TLN2: variants seen among roughly 807,000 people sequenced by gnomAD.
TLN2 encodes the protein talin 2, also known as talin-2.
Under a neutral mutation model 294.7 loss-of-function variants are expected in TLN2, and 118 were observed. That is an observed-to-expected ratio of 0.40 (90% CI 0.34 to 0.47). TLN2 has a LOEUF of 0.47. Ranked by LOEUF, TLN2 falls within the 20% of genes least tolerant of loss-of-function variation. The pLI is 0.84. For missense variants in TLN2, 3,083 were observed against 3,282.2 expected (o/e 0.94, Z 1.48); for synonymous variants, 1,431 against 1,304.5 (o/e 1.10, Z -2.09).
chr15:62,592,443 A>G (rs6494325), intron 2 of TLN2, among the ~76,000 whole-genome samples: 151,669 of 152,348 alleles, frequency 1, 75,497 homozygotes, highest in Non-Finnish European at 1. Flanking sequence ...TCCTCTACCC[A>G]GGAATGTTTA....
chr15:62,411,519 T>C (rs1052291056), intron 1 of TLN2, among the ~76,000 whole-genome samples: 32 of 150,152 alleles, frequency 2.1e-4, no homozygotes, highest in Non-Finnish European at 2.8e-4. Context: ...AACCTCAGGA[T>C]AGAAGTTTGA....
chr15:62,734,523 C>T (rs977307584), intron 28 of TLN2, among the ~76,000 whole-genome samples: 1 of 152,202 alleles, frequency 6.6e-6, no homozygotes, highest in African/African-American at 2.4e-5. Flanking sequence ...ATCCTTCAAC[C>T]CTGTGCCAAA....
intron 1 of TLN2, among the ~76,000 whole-genome samples, chr15:62,450,539 ATG>A (rs1343419231): frequency 6.4e-5 from 4 of 62,060 alleles, no homozygotes; most frequent in Admixed American, 2.3e-4. Context: ...GTATGTATGT[ATG>A]TATGTATGTG....
At chr15:62,425,788 T>G (rs548759370) in intron 1 of TLN2, among the ~76,000 whole-genome samples, 52 of 152,340 alleles carry the variant, frequency 3.4e-4, no homozygotes, top group African/African-American at 1.2e-3. Context: ...TCAGTTGGTA[T>G]GCAGCATGTG....
intron 9 of TLN2, among the ~76,000 whole-genome samples, chr15:62,659,986 G>T (rs758865265): frequency 6.6e-6 from 1 of 152,136 alleles, no homozygotes; most frequent in African/African-American, 2.4e-5. Context: ...GACTGGCTGG[G>T]CTCTCTTTTG....
chr15:62,664,226 A>G (rs536795028), intron 9 of TLN2, among the ~76,000 whole-genome samples: 1 of 14,376 alleles, frequency 7.0e-5, no homozygotes, highest in Non-Finnish European at 4.1e-3. Flanking sequence ...AGATATTAAA[A>G]AAGAAAAAAA....
intron 2 of TLN2, among the ~76,000 whole-genome samples, chr15:62,605,794 C>T (rs1386945030): frequency 1.3e-5 from 2 of 152,172 alleles, no homozygotes; most frequent in Non-Finnish European, 1.5e-5. Flanking sequence ...GAGATCTGGG[C>T]AATCAATATA....
intron 32 of TLN2, among the ~76,000 whole-genome samples, chr15:62,742,217 G>C (rs927070816): frequency 6.6e-6 from 1 of 152,098 alleles, no homozygotes; most frequent in Admixed American, 6.5e-5. Flanking sequence ...TGCTTTGTTC[G>C]TGACTGTTCT....
intron 41 of TLN2, among the ~76,000 whole-genome samples, chr15:62,770,132 C>G (rs2063259901): frequency 6.6e-6 from 1 of 152,240 alleles, no homozygotes. Context: ...GTCTCCACCT[C>G]TTAGCTGCAT....
At chr15:62,740,467 C>A in intron 31 of TLN2, 163 bp from the exon 32 acceptor site, 1 of 801,718 alleles carries the variant, frequency 1.2e-6, no homozygotes, top group Non-Finnish European at 2.0e-6. Flanking sequence ...AGGGTAGACA[C>A]TGGTCAGTGT....
intron 9 of TLN2, among the ~76,000 whole-genome samples, chr15:62,672,920 A>C (rs775155674): frequency 6.6e-6 from 1 of 152,224 alleles, no homozygotes; most frequent in Non-Finnish European, 1.5e-5. Flanking sequence ...TAAAAGATGC[A>C]GAATGTTTAG....
chr15:62,508,830 C>T (rs2039776019), intron 1 of TLN2, among the ~76,000 whole-genome samples: 1 of 152,100 alleles, frequency 6.6e-6, no homozygotes, highest in South Asian at 2.1e-4. Flanking sequence ...CAGTGGAGGT[C>T]TCTACTATCC....
At chr15:62,572,105 T>C (rs985059441) in intron 1 of TLN2, among the ~76,000 whole-genome samples, 3 of 152,226 alleles carry the variant, frequency 2.0e-5, no homozygotes, top group South Asian at 2.1e-4. Flanking sequence ...TGCTCTTCTT[T>C]CCAGGTTCTC....
chr15:62,438,294 TG>T (rs1480564239), intron 1 of TLN2, among the ~76,000 whole-genome samples: 1 of 93,830 alleles, frequency 1.1e-5, no homozygotes, highest in Non-Finnish European at 2.3e-5. Flanking sequence ...TTAAAGGGAG[TG>T]GGGGCTATTA....
chr15:62,832,189 T>TA (rs1450801090), intron 54 of TLN2: 1 of 151,328 alleles, frequency 6.6e-6, no homozygotes, highest in East Asian at 1.9e-4. Flanking sequence ...TAGGCACTCT[T>TA]AAAAATCTAC....
At chr15:62,509,623 C>T (rs775268923) in intron 1 of TLN2, among the ~76,000 whole-genome samples, 8 of 152,338 alleles carry the variant, frequency 5.3e-5, no homozygotes, top group Middle Eastern at 3.4e-3. Context: ...CTGCTGAGAA[C>T]GGCCCCTCCT....
Position 62,840,616 on chromosome 15 carries a change from C to A in TLN2, c.*6C>A, listed in dbSNP as rs370850379. ...TGAGGGAAGATGAGGGCTAAAGGTG[C>A]GAGCCCAGATGGCGAGCCCCAGGGG... On this transcript the variant is annotated 3_prime_UTR_variant, in exon 59 of 59. Transcript: ENST00000636159. The A allele has an allele frequency of 3.7e-5, 59 of 1,612,364 alleles. No individual in the cohort carries two copies. The highest frequency in any genetic ancestry group is 4.7e-5 in the Non-Finnish European group (56 of 1,179,254).
At chr15:62,542,930 T>C (rs1012010862) in intron 1 of TLN2, among the ~76,000 whole-genome samples, 1 of 152,154 alleles carries the variant, frequency 6.6e-6, no homozygotes, top group Non-Finnish European at 1.5e-5. Context: ...TCAAGTCATG[T>C]GTTTGCCTTA....
chr15:62,563,565 T>G (rs554750535), intron 1 of TLN2, among the ~76,000 whole-genome samples: 1 of 152,360 alleles, frequency 6.6e-6, no homozygotes, highest in East Asian at 1.9e-4. Flanking sequence ...GGTGACTTCC[T>G]TTTGCCCTGC....
Sources: allele counts gnomAD v4.1 joint callset (sites outside exome capture counted in the v4.1 genomes callset), GRCh38; gene constraint gnomAD v4.1.1; transcripts MANE v1.5; gene names NCBI Gene and HGNC (gene_info 2026-07-23, HGNC 2026-07-21).